The following NFAM1 variants were observed in gnomAD, a reference collection of about 807,000 sequenced individuals.
NFAM1 encodes NFAT activating protein with ITAM motif 1.
In NFAM1, 17 loss-of-function variants were observed where a neutral mutation model predicts 29.0. The observed-to-expected ratio is 0.59, with a 90% CI of 0.40 to 0.88. The LOEUF (loss-of-function observed/expected upper bound fraction) is 0.88, where lower values mean the gene tolerates loss of function less well. NFAM1 is among the 40% of genes least tolerant of loss of function. The pLI, the probability that NFAM1 is intolerant of heterozygous loss-of-function variation, is 0.00. For synonymous variants in NFAM1, 175 were observed against 147.2 expected, an observed-to-expected ratio of 1.19 and a Z score of -1.36; for missense variants, 324 against 344.6, an observed-to-expected ratio of 0.94 and a Z score of 0.47.
At chr22:42,413,925 G>A (rs1478077168) in intron 1 of NFAM1, among the ~76,000 whole-genome samples, 3 of 152,110 alleles carry the variant, frequency 2.0e-5, no homozygotes, top group Non-Finnish European at 4.4e-5. Context: ...GTGGTGGTGG[G>A]CACCTGTAAT....
chr22:42,402,107 T>C (rs1929743193), intron 3 of NFAM1, among the ~76,000 whole-genome samples: 1 of 152,098 alleles, frequency 6.6e-6, no homozygotes, highest in Non-Finnish European at 1.5e-5. Flanking sequence ...AGCAGAGACC[T>C]ATATTCCAGG....
chr22:42,437,815 G>A, the NFAM1 span, among the ~76,000 whole-genome samples: 1,859 of 152,316 alleles, frequency 0.012, 42 homozygotes, highest in African/African-American at 0.043. Context: ...TTCCGGGGGG[G>A]TCCGGTGCAG....
intron 3 of NFAM1, among the ~76,000 whole-genome samples, chr22:42,404,912 C>G (rs1929844022): frequency 6.6e-6 from 1 of 151,718 alleles, no homozygotes; most frequent in Non-Finnish European, 1.5e-5. Context: ...CAGGGTCTAC[C>G]CTCCTTATCC....
chr22:42,434,834 G>T (rs1930902742), upstream of NFAM1, among the ~76,000 whole-genome samples: 2 of 152,312 alleles, frequency 1.3e-5, no homozygotes, highest in African/African-American at 4.8e-5. Context: ...TGCAGGTGAG[G>T]TCCCTGGGGA....
chr22:42,421,879 C>CTGTTGGTTTTA (rs6147631), intron 1 of NFAM1, among the ~76,000 whole-genome samples: 104,339 of 151,740 alleles, frequency 0.69, 37,506 homozygotes, highest in African/African-American at 0.91. Context: ...GCGATCGGGG[C>CTGTTGGTTTTA]TCTCAGAGCC....
chr22:42,402,319 G>T (rs965770216), intron 3 of NFAM1, among the ~76,000 whole-genome samples: 15 of 152,212 alleles, frequency 9.9e-5, no homozygotes, highest in Non-Finnish European at 1.8e-4. Context: ...TGCTCTGGAC[G>T]CATGAGGTGG....
At chr22:42,434,842 G>A (rs1356075222), upstream of NFAM1, among the ~76,000 whole-genome samples, 2 of 152,168 alleles carry the variant, frequency 1.3e-5, no homozygotes, top group Non-Finnish European at 2.9e-5. Flanking sequence ...AGGTCCCTGG[G>A]GACCACACGT....
Position 42,380,646 on chromosome 22 carries a change from C to T in NFAM1, c.*4515G>A, listed in dbSNP as rs1317781247. On this transcript the variant is annotated 3_prime_UTR_variant, in exon 6 of 6. Transcript: ENST00000329021. ...CATTGCAAGGAATGGAGTGACGCCA[C>T]TCAGCCTGGCTGGACTGAGCCAACG... 6.5e-6 allele frequency: 1 copy of T among 152,702 alleles called. No homozygotes were observed. Among genetic ancestry groups the T allele is most frequent in the African/African-American group, 2.4e-5 (1 of 41,458 alleles). 9.5% of individuals were successfully genotyped at this position (152,702 alleles called of 1,614,324 possible).
chr22:42,429,635 A>AT (rs1930731667), intron 1 of NFAM1, among the ~76,000 whole-genome samples: 5 of 152,182 alleles, frequency 3.3e-5, no homozygotes, highest in Admixed American at 6.5e-5. Context: ...AAATAAATAA[A>AT]AAATCAAACT....
intron 1 of NFAM1, among the ~76,000 whole-genome samples, chr22:42,425,874 C>A (rs138739853): frequency 1.3e-5 from 2 of 152,032 alleles, no homozygotes; most frequent in African/African-American, 4.8e-5. Context: ...TGCCTCTGAG[C>A]GCCTGTGTGC....
chr22:42,395,496 T>C (rs1381816054), intron 4 of NFAM1, among the ~76,000 whole-genome samples: 1 of 149,198 alleles, frequency 6.7e-6, no homozygotes, highest in Non-Finnish European at 1.5e-5. Context: ...TAATAATAAA[T>C]ATAAATAATA....
chr22:42,396,218 G>A (rs368609943), intron 4 of NFAM1, among the ~76,000 whole-genome samples: 1 of 152,134 alleles, frequency 6.6e-6, no homozygotes, highest in African/African-American at 2.4e-5. Context: ...CTGCATCCTA[G>A]AGGCTGTGAA....
intron 1 of NFAM1, among the ~76,000 whole-genome samples, chr22:42,431,345 G>T (rs986979982): frequency 4.6e-5 from 7 of 152,174 alleles, no homozygotes; most frequent in Admixed American, 2.0e-4. Context: ...GCAGGACAGG[G>T]TGGGGGCAGC....
upstream of NFAM1, among the ~76,000 whole-genome samples, chr22:42,433,541 C>T (rs140742083): frequency 4.0e-4 from 61 of 152,276 alleles, no homozygotes; most frequent in East Asian, 0.01. Flanking sequence ...CCAGCTGCAG[C>T]CCCCGGTGAC....
chr22:42,416,541 C>T (rs1930266245), intron 1 of NFAM1, among the ~76,000 whole-genome samples: 1 of 152,182 alleles, frequency 6.6e-6, no homozygotes. Context: ...CAAATTTTCA[C>T]CACCAGATGG....
At chr22:42,416,396 C>A (rs922196665) in intron 1 of NFAM1, among the ~76,000 whole-genome samples, 3 of 152,148 alleles carry the variant, frequency 2.0e-5, no homozygotes, top group African/African-American at 7.2e-5. Flanking sequence ...GTTGGTCTGG[C>A]TGTGTTGAGG....
intron 1 of NFAM1, among the ~76,000 whole-genome samples, chr22:42,418,356 G>C (rs560699535): frequency 4.6e-5 from 7 of 152,194 alleles, no homozygotes; most frequent in Non-Finnish European, 1.0e-4. Flanking sequence ...CCTTTCCCCA[G>C]GGACAAGAAT....
rs1464593396 is a variant in NFAM1 at position 42,382,441 on chromosome 22, G to A, written c.*2720C>T. On this transcript the variant is annotated 3_prime_UTR_variant, in exon 6 of 6. Transcript: ENST00000329021. Reference sequence around the variant, plus strand: ...CACAAGGCTGTGGGAGGTGGAGCAGGGATTCAAGGGAGGCCCTGAGGCCAC... The same window carrying A: ...CACAAGGCTGTGGGAGGTGGAGCAGAGATTCAAGGGAGGCCCTGAGGCCAC... 6.6e-6 allele frequency: 1 copy of A among 152,012 alleles called. No individual in the cohort carries two copies. Among genetic ancestry groups the A allele is most frequent in the Non-Finnish European group, 1.5e-5 (1 of 68,032 alleles). The allele number at this position is 152,012 out of a possible 1,614,324, so 9.4% of individuals were successfully genotyped here. A position where few individuals can be genotyped will look rare whatever the true frequency, so the allele number is the denominator to read the frequency against.
At chr22:42,424,911 G>T (rs980428754) in intron 1 of NFAM1, among the ~76,000 whole-genome samples, 1 of 147,804 alleles carries the variant, frequency 6.8e-6, no homozygotes, top group African/African-American at 2.5e-5. Flanking sequence ...CTTTCTTTTC[G>T]TATTTATTTA....
Sources: gnomAD v4.1 joint callset for allele counts (sites outside exome capture counted in the v4.1 genomes callset) on GRCh38, gnomAD v4.1.1 for gene constraint, MANE v1.5 for transcripts, NCBI Gene and HGNC (gene_info 2026-07-23, HGNC 2026-07-21) for gene names.